The following ADARB2 variants were observed in gnomAD, a reference collection of about 807,000 sequenced individuals.
ADARB2 encodes adenosine deaminase RNA specific B2 (inactive).
A neutral mutation model predicts 62.2 loss-of-function variants in ADARB2; 25 were observed. The observed-to-expected ratio is 0.40, with a 90% CI of 0.29 to 0.56. The LOEUF is 0.56. Among genes scored for constraint, ADARB2 ranks in the 20% least tolerant of loss-of-function variants. The probability of loss-of-function intolerance (pLI) is 0.43; values close to 1 mark genes in which losing one functional copy is unlikely to be tolerated. For synonymous variants in ADARB2, 572 were observed against 500.8 expected (o/e 1.14, Z -1.90); for missense variants, 1,071 against 1,077.4 (o/e 0.99, Z 0.08).
At chr10:1,252,977 T>C (rs1248133114) in intron 4 of ADARB2, among the ~76,000 whole-genome samples, 1 of 152,240 alleles carries the variant, frequency 6.6e-6, no homozygotes, top group Non-Finnish European at 1.5e-5. Flanking sequence ...CTCTCCTCTA[T>C]GAATGACAAT....
chr10:1,567,280 C>T (rs1442279473), intron 1 of ADARB2, among the ~76,000 whole-genome samples: 1 of 152,184 alleles, frequency 6.6e-6, no homozygotes, highest in Non-Finnish European at 1.5e-5. Flanking sequence ...AAATCCTTTT[C>T]CAAGAAGCCT....
At chr10:1,635,388 T>C (rs1329725116) in intron 1 of ADARB2, among the ~76,000 whole-genome samples, 2 of 152,190 alleles carry the variant, frequency 1.3e-5, no homozygotes, top group Non-Finnish European at 2.9e-5. Context: ...TTAGAATACG[T>C]CTGCAAGATC....
intron 1 of ADARB2, among the ~76,000 whole-genome samples, chr10:1,562,168 C>G (rs958880697): frequency 6.6e-6 from 1 of 150,700 alleles, no homozygotes; most frequent in Non-Finnish European, 1.5e-5. Context: ...CCCCGCCCAA[C>G]CCCCTCCCAA....
At chr10:1,584,344 C>T (rs1833146350) in intron 1 of ADARB2, among the ~76,000 whole-genome samples, 2 of 123,106 alleles carry the variant, frequency 1.6e-5, no homozygotes, top group Non-Finnish European at 3.9e-5. Flanking sequence ...TGAAAAGTCG[C>T]CCCGTATCAT....
At chr10:1,263,664 C>T (rs935386224) in intron 4 of ADARB2, among the ~76,000 whole-genome samples, 1 of 152,140 alleles carries the variant, frequency 6.6e-6, no homozygotes, top group Admixed American at 6.5e-5. Flanking sequence ...TTTTCTCCTC[C>T]ATTTCTCATG....
chr10:1,277,602 G>A (rs187588726), intron 3 of ADARB2, among the ~76,000 whole-genome samples: 4 of 152,270 alleles, frequency 2.6e-5, no homozygotes, highest in Admixed American at 1.3e-4. Context: ...TGAAATTGAG[G>A]CAATAATTAA....
rs1409277114 is a variant in ADARB2, at chr10:1,200,063, C to A, written c.1767G>T (p.Leu589=). ...CGCGTGCGAGGTGGCCCGTGTGGTG[C>A]AGGCTGCCCACCACGATGCTCTGCA... ...VYLQSIVVGS[L]HHTGHLARVM... The change falls in exon 8 of 10, where the codon CTG becomes CTT. Residue 589 remains leucine (L), a synonymous_variant. Transcript: ENST00000381312. 6.3e-7 allele frequency: 1 copy of A among 1,588,284 alleles called. No homozygotes were observed. Among genetic ancestry groups the A allele is most frequent in the Admixed American group, 1.7e-5 (1 of 57,316 alleles).
At position 1,704,303 on chromosome 10, in the gene ADARB2, A is replaced by G. The variant is rs971536745; in HGVS notation, c.100+32748T>C. ...TAATGAAATAATTATATAACTCAGC[A>G]TAATGTAGAATCAGTGGGAGTCCTG... On this transcript the variant is annotated intron_variant, in intron 1 of 9. Transcript: ENST00000381312. This position sits in a 1 kb window ranked among gnomAD's most constrained non-coding sequence, Gnocchi z 5.6. 6.6e-6 allele frequency among the ~76,000 whole-genome samples: 1 copy of G among 152,230 alleles called. No homozygotes were observed. Among genetic ancestry groups the G allele is most frequent in the African/African-American group, 2.4e-5 (1 of 41,468 alleles).
intron 1 of ADARB2, among the ~76,000 whole-genome samples, chr10:1,630,090 T>C (rs1441000232): frequency 1.3e-5 from 2 of 152,142 alleles, no homozygotes; most frequent in South Asian, 2.1e-4. Context: ...AGTTGATTTA[T>C]GAGATAACCC....
At chr10:1,505,169 G>A (rs956441424) in intron 1 of ADARB2, among the ~76,000 whole-genome samples, 1 of 151,288 alleles carries the variant, frequency 6.6e-6, no homozygotes, top group Non-Finnish European at 1.5e-5. Flanking sequence ...AAACACACAT[G>A]AACACAAACA....
intron 1 of ADARB2, among the ~76,000 whole-genome samples, chr10:1,471,543 A>G (rs1831322445): frequency 6.6e-6 from 1 of 152,100 alleles, no homozygotes; most frequent in Non-Finnish European, 1.5e-5. Flanking sequence ...GGCATACGCC[A>G]CCATGCCTGG....
intron 1 of ADARB2, among the ~76,000 whole-genome samples, chr10:1,716,936 A>G (rs1193132933): frequency 1.3e-5 from 2 of 152,174 alleles, no homozygotes; most frequent in Admixed American, 6.5e-5. Flanking sequence ...ATTCACTGGG[A>G]TTGGAAGGGC....
intron 1 of ADARB2, among the ~76,000 whole-genome samples, chr10:1,588,071 G>A (rs1316937507): frequency 6.6e-6 from 1 of 152,160 alleles, no homozygotes; most frequent in African/African-American, 2.4e-5. Context: ...AGGGGAAAAT[G>A]ACTTGGCTCC....
chr10:1,729,719 C>T (rs900842805), intron 1 of ADARB2, among the ~76,000 whole-genome samples: 1 of 152,174 alleles, frequency 6.6e-6, no homozygotes, highest in Non-Finnish European at 1.5e-5. Flanking sequence ...TTCTTAGCAA[C>T]AGTAAGGACC....
intron 1 of ADARB2, among the ~76,000 whole-genome samples, chr10:1,381,960 C>A (rs149762386): frequency 0.014 from 2,126 of 152,180 alleles, 101 homozygotes; most frequent in Admixed American, 0.081. Flanking sequence ...ACATGTATTG[C>A]CCACTTGAAA....
At chr10:1,198,688 C>T (rs923452320) in intron 8 of ADARB2, among the ~76,000 whole-genome samples, 116 of 152,254 alleles carry the variant, frequency 7.6e-4, no homozygotes, top group African/African-American at 2.8e-3. Context: ...ATCTGTGCCA[C>T]TCAATGATGT....
chr10:1,397,965 G>A (rs1383151414), intron 1 of ADARB2, among the ~76,000 whole-genome samples: 1 of 95,838 alleles, frequency 1.0e-5, no homozygotes, highest in Non-Finnish European at 2.1e-5. Flanking sequence ...GTCACCGTCC[G>A]TCTCTCCCCT....
At chr10:1,325,606 G>C (rs1172319625) in intron 3 of ADARB2, among the ~76,000 whole-genome samples, 1 of 152,164 alleles carries the variant, frequency 6.6e-6, no homozygotes, top group East Asian at 1.9e-4. Flanking sequence ...TATTCAAAAC[G>C]GGACAAGACC....
chr10:1,558,214 A>C (rs1832732131), intron 1 of ADARB2, among the ~76,000 whole-genome samples: 1 of 151,398 alleles, frequency 6.6e-6, no homozygotes. Context: ...CTAAATCTTC[A>C]TCCCACCTCT....
Sources: gnomAD v4.1 joint callset for allele counts (sites outside exome capture counted in the v4.1 genomes callset) on GRCh38, gnomAD v4.1.1 for gene constraint, Gnocchi (gnomAD v3.1) non-coding constraint, MANE v1.5 for transcripts, NCBI Gene and HGNC (gene_info 2026-07-23, HGNC 2026-07-21) for gene names.